The following CDC42SE2 variants were observed in gnomAD, a reference collection of about 807,000 sequenced individuals.
The protein encoded by CDC42SE2 is CDC42 small effector 2.
CDC42SE2 carries 3 observed loss-of-function variants against 11.5 expected under a neutral mutation model. The observed-to-expected ratio is 0.26, with a 90% CI of 0.12 to 0.67. The LOEUF is 0.67. CDC42SE2 is among the 30% of genes least tolerant of loss of function. CDC42SE2 has a pLI of 0.80. For synonymous variants in CDC42SE2, 33 were observed against 34.8 expected (o/e 0.95, Z 0.18); for missense variants, 82 against 106.8 (o/e 0.77, Z 1.02).
chr5:131,292,716 A>G (rs1209134813), intron 1 of CDC42SE2, among the ~76,000 whole-genome samples: 1 of 151,532 alleles, frequency 6.6e-6, no homozygotes, highest in Non-Finnish European at 1.5e-5. Flanking sequence ...GAAATATGGC[A>G]AAACCCCATC....
At chr5:131,274,391 C>G (rs1216226503) in intron 1 of CDC42SE2, among the ~76,000 whole-genome samples, 1 of 152,194 alleles carries the variant, frequency 6.6e-6, no homozygotes, top group Non-Finnish European at 1.5e-5. Context: ...AGCATGAAAA[C>G]ATGTCCCTTA....
chr5:131,262,089 G>A (rs937161784), upstream of CDC42SE2, among the ~76,000 whole-genome samples: 1 of 151,342 alleles, frequency 6.6e-6, no homozygotes, highest in African/African-American at 2.4e-5. Flanking sequence ...TACTACTTAA[G>A]GCATTCACAC....
chr5:131,274,054 G>A (rs1033763616), intron 1 of CDC42SE2, among the ~76,000 whole-genome samples: 14 of 152,292 alleles, frequency 9.2e-5, no homozygotes, highest in African/African-American at 3.1e-4. Context: ...ACAGGCGTGA[G>A]CTACTGCGCC....
At chr5:131,244,433 G>C (rs1329052784), upstream of CDC42SE2, among the ~76,000 whole-genome samples, 1 of 152,122 alleles carries the variant, frequency 6.6e-6, no homozygotes, top group Non-Finnish European at 1.5e-5. Flanking sequence ...TCTTCAGGCC[G>C]GGCACAGTGG....
intron 1 of CDC42SE2, among the ~76,000 whole-genome samples, chr5:131,268,974 C>T (rs528120167): frequency 1.2e-3 from 182 of 152,072 alleles, no homozygotes; most frequent in African/African-American, 4.3e-3. Context: ...TGGTCTCGAT[C>T]GCTTGACCTC....
chr5:131,323,542 C>T (rs1268615283), intron 2 of CDC42SE2, among the ~76,000 whole-genome samples: 1 of 133,118 alleles, frequency 7.5e-6, no homozygotes, highest in African/African-American at 2.9e-5. Context: ...ACCTCTCTCT[C>T]TCTGGTTTTT....
upstream of CDC42SE2, among the ~76,000 whole-genome samples, chr5:131,260,453 T>A (rs940603970): frequency 2.6e-5 from 4 of 151,042 alleles, no homozygotes; most frequent in African/African-American, 9.8e-5. Flanking sequence ...TGAAACCCTG[T>A]CTCTACTAAA....
At chr5:131,232,428 T>A in the CDC42SE2 span, among the ~76,000 whole-genome samples, 2 of 152,062 alleles carry the variant, frequency 1.3e-5, no homozygotes, top group Non-Finnish European at 2.9e-5. Context: ...ACCTATTCTT[T>A]TAGTGGTTAC....
chr5:131,252,857 C>T (rs6596007), intron 1 of CDC42SE2, among the ~76,000 whole-genome samples: 116,808 of 152,150 alleles, frequency 0.77, 45,210 homozygotes, highest in African/African-American at 0.82. Context: ...CCTCCATTCT[C>T]GGGTAATTCC....
chr5:131,348,378 A>G (rs1042041816), intron 2 of CDC42SE2, among the ~76,000 whole-genome samples: 2 of 152,144 alleles, frequency 1.3e-5, no homozygotes, highest in African/African-American at 4.8e-5. Flanking sequence ...TCATGAGTGA[A>G]CTCCCATTCA....
intron 2 of CDC42SE2, among the ~76,000 whole-genome samples, chr5:131,331,298 A>T (rs1456901931): frequency 6.6e-6 from 1 of 152,230 alleles, no homozygotes; most frequent in African/African-American, 2.4e-5. Context: ...ACAAGTTACC[A>T]AGTCAAATGC....
At chr5:131,227,903 G>A in the CDC42SE2 span, among the ~76,000 whole-genome samples, 2 of 151,972 alleles carry the variant, frequency 1.3e-5, no homozygotes, top group Admixed American at 6.6e-5. Flanking sequence ...AAAATCATCC[G>A]GAGGCTGGGC....
At chr5:131,243,054 G>A (rs1462571901), upstream of CDC42SE2, among the ~76,000 whole-genome samples, 1 of 152,182 alleles carries the variant, frequency 6.6e-6, no homozygotes, top group Admixed American at 6.5e-5. Context: ...TCCTTTTAGG[G>A]ACAGTGGACC....
chr5:131,294,143 A>ATTTTT (rs1324114142), intron 1 of CDC42SE2, among the ~76,000 whole-genome samples: 2 of 152,176 alleles, frequency 1.3e-5, no homozygotes, highest in African/African-American at 4.8e-5. Context: ...AAAAGTACGC[A>ATTTTT]CAATATTGAG....
chr5:131,361,773 G>A (rs1322850114), intron 3 of CDC42SE2, among the ~76,000 whole-genome samples: 1 of 152,126 alleles, frequency 6.6e-6, no homozygotes, highest in Non-Finnish European at 1.5e-5. Context: ...GAGTTGGGCT[G>A]CTAGGTGGCC....
At chr5:131,262,540 A>C (rs918880172), upstream of CDC42SE2, among the ~76,000 whole-genome samples, 3 of 152,164 alleles carry the variant, frequency 2.0e-5, no homozygotes, top group Non-Finnish European at 4.4e-5. Context: ...CCCAGCTTCT[A>C]CTAGGGAAGG....
intron 2 of CDC42SE2, among the ~76,000 whole-genome samples, chr5:131,333,761 C>T (rs975620650): frequency 6.6e-6 from 1 of 151,794 alleles, no homozygotes; most frequent in African/African-American, 2.4e-5. Context: ...TGATTTGGCT[C>T]TCTGTCTGTT....
rs187100510 is a variant in CDC42SE2 at position 131,293,310 on chromosome 5, G to A, written c.-454-22666G>A. On this transcript the variant is annotated intron_variant, in intron 1 of 4. Transcript: ENST00000505065. ...CCCTCAGCCGGGCACGGTGGCTCAC[G>A]TCTGTAATCCCAGCACTTTGGGAGG... Among the ~76,000 whole-genome samples the A allele has an allele frequency of 4.4e-3, 663 of 152,270 alleles. 3 individuals are homozygous for A. Among genetic ancestry groups the A allele is most frequent in the Non-Finnish European group, 6.9e-3 (469 of 68,018 alleles).
intron 1 of CDC42SE2, among the ~76,000 whole-genome samples, chr5:131,266,331 C>T (rs1009365541): frequency 2.0e-5 from 3 of 151,578 alleles, no homozygotes; most frequent in Admixed American, 2.0e-4. Flanking sequence ...TTATAGTTAG[C>T]TTTTTTGTAT....
Sources: allele counts gnomAD v4.1 joint callset (sites outside exome capture counted in the v4.1 genomes callset), GRCh38; gene constraint gnomAD v4.1.1; transcripts MANE v1.5; gene names NCBI Gene and HGNC (gene_info 2026-07-23, HGNC 2026-07-21).